SORCS2: variants seen among roughly 807,000 people sequenced by gnomAD.
SORCS2 encodes the protein sortilin related VPS10 domain containing receptor 2.
Under a neutral mutation model 141.6 loss-of-function variants are expected in SORCS2, and 100 were observed. The ratio of observed to expected loss-of-function variants is 0.71; its 90% CI spans 0.60 to 0.83. The LOEUF (loss-of-function observed/expected upper bound fraction) is 0.83. Among genes scored for constraint, SORCS2 ranks in the 40% least tolerant of loss-of-function variants. The probability of loss-of-function intolerance (pLI) is 0.00; values close to 1 mark genes in which losing one functional copy is unlikely to be tolerated. For synonymous variants in SORCS2, 789 were observed against 676.9 expected (o/e 1.17, Z -2.57); for missense variants, 1,646 against 1,560.2 (o/e 1.05, Z -0.93).
At chr4:7,220,546 T>C (rs1429774255) in intron 1 of SORCS2, among the ~76,000 whole-genome samples, 1 of 152,154 alleles carries the variant, frequency 6.6e-6, no homozygotes, top group Non-Finnish European at 1.5e-5. Context: ...AGCTGATTTC[T>C]GGAAATATCT....
chr4:7,475,444 C>G (rs1004859960), intron 2 of SORCS2, among the ~76,000 whole-genome samples: 6 of 152,172 alleles, frequency 3.9e-5, no homozygotes, highest in African/African-American at 1.4e-4. Flanking sequence ...GGCCGGCCCC[C>G]CGAGGGCCTG....
intron 3 of SORCS2, among the ~76,000 whole-genome samples, chr4:7,613,230 C>G (rs1018700175): frequency 4.6e-5 from 7 of 152,240 alleles, no homozygotes; most frequent in African/African-American, 1.4e-4. Flanking sequence ...CTGGTTCCCA[C>G]TGAGAAATTA....
chr4:7,734,421 C>T (rs761256609), intron 25 of SORCS2, 47 bp downstream of exon 25: 131 of 1,335,952 alleles, frequency 9.8e-5, no homozygotes, highest in East Asian at 3.7e-4. Flanking sequence ...ACCATGGGGC[C>T]GTAGGAAGCC....
In SORCS2 at chr4:7,725,269, G is replaced by A; in HGVS notation, c.2727G>A (p.Trp909Ter). The A allele has an allele frequency of 6.2e-7, 1 of 1,613,334 alleles. No homozygotes were observed. The highest frequency in any genetic ancestry group is 8.5e-7 in the Non-Finnish European group (1 of 1,179,586). Residue 909 changes from tryptophan to a stop codon, truncating the protein, a stop_gained, in exon 20 of 27, where the codon TGG (tryptophan) becomes TGA (stop). Coordinates refer to ENST00000507866, the MANE Select transcript of SORCS2 (RefSeq NM_020777.3). LOFTEE classifies it high-confidence loss of function. ...LNPNLTVFYW[W>*]IGHSLQPLLS... ...CTAACCTCACCGTCTTCTACTGGTGGATCGGCCACAGCCTGCAGGTGCGCT... is the reference window on the plus strand; with the variant it reads ...CTAACCTCACCGTCTTCTACTGGTGAATCGGCCACAGCCTGCAGGTGCGCT...
intron 2 of SORCS2, among the ~76,000 whole-genome samples, chr4:7,512,230 C>G (rs1202404721): frequency 6.6e-6 from 1 of 151,970 alleles, no homozygotes; most frequent in Non-Finnish European, 1.5e-5. Context: ...TCAGCCATGC[C>G]CAAGGCATCT....
At chr4:7,478,208 A>G (rs1730418485) in intron 2 of SORCS2, among the ~76,000 whole-genome samples, 1 of 152,054 alleles carries the variant, frequency 6.6e-6, no homozygotes, top group African/African-American at 2.4e-5. Context: ...TGCAGTGAGT[A>G]TGCAGTGATG....
At position 7,474,844 on chromosome 4, in the gene SORCS2, G is replaced by T. The variant is rs10012386; in HGVS notation, c.549-56686G>T. Among the ~76,000 whole-genome samples the T allele has an allele frequency of 2.6e-5, 4 of 152,068 alleles. No homozygotes were observed. In the East Asian group the frequency reaches 5.8e-4, roughly 22 times the overall value. ...CCCGAAGCCCGGAACCAGGGGGTCT[G>T]CAGGGCCAGGCTCCCTCTATGGGCT... On this transcript the variant is annotated intron_variant, in intron 2 of 26. Transcript: ENST00000507866.
intron 4 of SORCS2, among the ~76,000 whole-genome samples, chr4:7,642,775 G>A (rs553683139): frequency 2.6e-5 from 4 of 152,132 alleles, no homozygotes; most frequent in Non-Finnish European, 4.4e-5. Flanking sequence ...GGCTATATGA[G>A]GCTCCTGGTT....
At chr4:7,216,792 A>G (rs1269836857) in intron 1 of SORCS2, among the ~76,000 whole-genome samples, 1 of 152,068 alleles carries the variant, frequency 6.6e-6, no homozygotes, top group Non-Finnish European at 1.5e-5. Flanking sequence ...ACCCATGCAC[A>G]GGTTCTGGGA....
intron 1 of SORCS2, among the ~76,000 whole-genome samples, chr4:7,278,415 G>A (rs968046180): frequency 6.6e-6 from 1 of 152,136 alleles, no homozygotes; most frequent in Non-Finnish European, 1.5e-5. Flanking sequence ...GGGGTGGGGG[G>A]CAGACTATTG....
At position 7,726,813 on chromosome 4, in the gene SORCS2, C is replaced by T. The variant is rs199942882; in HGVS notation, c.2779C>T (p.Arg927Trp). ...TTCCCTGGATAATTCTGTGACAACGCGGTTTTCGGACACGGGCGACGTGCG... is the reference window on the plus strand; with the variant it reads ...TTCCCTGGATAATTCTGTGACAACGTGGTTTTCGGACACGGGCGACGTGCG... ...LLSLDNSVTT[R>W]FSDTGDVRVT... The change falls in exon 21 of 27, where the codon CGG becomes TGG. Residue 927 changes from arginine (R) to tryptophan (W), a missense_variant. By Grantham distance (101) the Arg-to-Trp change is moderately radical. Coordinates refer to ENST00000507866, the MANE Select transcript of SORCS2 (RefSeq NM_020777.3). 9.3e-6 allele frequency: 15 copies of T among 1,613,832 alleles called. No homozygotes were observed. The highest frequency in any genetic ancestry group is 6.7e-5 in the Admixed American group (4 of 60,018).
chr4:7,421,307 T>G (rs7671061), intron 2 of SORCS2, among the ~76,000 whole-genome samples: 107,999 of 151,890 alleles, frequency 0.71, 38,669 homozygotes, highest in Middle Eastern at 0.8. Context: ...TCTAGAGGGA[T>G]TGCATGAGAG....
At chr4:7,725,321 C>G (rs944654665) in intron 20 of SORCS2, 34 bp downstream of exon 20, 2 of 1,596,466 alleles carry the variant, frequency 1.3e-6, no homozygotes, top group Non-Finnish European at 8.5e-7. Context: ...AGCCCTTCTT[C>G]CCGCAGGCTC....
At chr4:7,552,260 G>A (rs1713768607) in intron 3 of SORCS2, among the ~76,000 whole-genome samples, 1 of 152,128 alleles carries the variant, frequency 6.6e-6, no homozygotes, top group Non-Finnish European at 1.5e-5. Flanking sequence ...TGGTATCTTT[G>A]GGATCTCTGA....
intron 1 of SORCS2, among the ~76,000 whole-genome samples, chr4:7,280,140 C>A (rs919274994): frequency 6.6e-6 from 1 of 152,082 alleles, no homozygotes; most frequent in Non-Finnish European, 1.5e-5. Flanking sequence ...TTCCTAAGGA[C>A]AAAAGAGTCA....
At chr4:7,328,018 C>CTTTTTTT (rs60976971) in intron 1 of SORCS2, among the ~76,000 whole-genome samples, 5 of 88,696 alleles carry the variant, frequency 5.6e-5, no homozygotes, top group African/African-American at 8.3e-5. Context: ...TCGTGCTAGG[C>CTTTTTTT]TTTTTTTTTT....
At position 7,346,732 on chromosome 4, in the gene SORCS2, A is replaced by G. The variant is rs142875065; in HGVS notation, c.481-49556A>G. On this transcript the variant is annotated intron_variant, in intron 1 of 26. Transcript: ENST00000507866. ...GGGCTATGTTGTTAGGTGCATATAT[A>G]TTTGTACTTGTTATATCTTCCTGAA... Among the ~76,000 whole-genome samples, 1,457 of 152,236 alleles carry G rather than the reference A, an allele frequency of 9.6e-3. 17 individuals are homozygous for G. The highest frequency in any genetic ancestry group is 0.032 in the African/African-American group (1,324 of 41,538).
intron 1 of SORCS2, among the ~76,000 whole-genome samples, chr4:7,281,904 T>C (rs928629025): frequency 6.6e-6 from 1 of 152,186 alleles, no homozygotes; most frequent in Non-Finnish European, 1.5e-5. Context: ...TTTCCAGGAC[T>C]CGTGACATGG....
At chr4:7,312,178 T>C (rs1180340692) in intron 1 of SORCS2, among the ~76,000 whole-genome samples, 1 of 152,230 alleles carries the variant, frequency 6.6e-6, no homozygotes, top group Non-Finnish European at 1.5e-5. Flanking sequence ...CCCAGCCGTC[T>C]TTTTCATTCT....
Sources: allele counts gnomAD v4.1 joint callset (sites outside exome capture counted in the v4.1 genomes callset), GRCh38; gene constraint gnomAD v4.1.1; transcripts MANE v1.5; gene names NCBI Gene and HGNC (gene_info 2026-07-23, HGNC 2026-07-21).